ZNF780B: variants seen among roughly 807,000 people sequenced by gnomAD.
ZNF780B encodes zinc finger protein 780B, also known as zinc finger protein 779.
A neutral mutation model predicts 74.1 loss-of-function variants in ZNF780B; 52 were observed. The ratio of observed to expected loss-of-function variants is 0.70; its 90% CI spans 0.56 to 0.88. The LOEUF is 0.88. Among genes scored for constraint, ZNF780B ranks in the 40% least tolerant of loss-of-function variants. ZNF780B has a pLI of 0.00. For synonymous variants in ZNF780B, 315 were observed against 324.3 expected (o/e 0.97, Z 0.31); for missense variants, 953 against 1,007.6 (o/e 0.95, Z 0.73).
chr19:40,039,269 A>C (rs992068856), intron 4 of ZNF780B, among the ~76,000 whole-genome samples: 11 of 152,178 alleles, frequency 7.2e-5, no homozygotes, highest in Non-Finnish European at 1.5e-4. Flanking sequence ...CCATTGATCT[A>C]TATCTCTGTT....
intron 4 of ZNF780B, among the ~76,000 whole-genome samples, chr19:40,037,873 T>C (rs1383271233): frequency 1.4e-5 from 2 of 147,394 alleles, no homozygotes; most frequent in Non-Finnish European, 3.0e-5. Context: ...AACATCCAAC[T>C]CCTCTTTTTT....
rs1273306719 is a variant in ZNF780B, at chr19:40,028,902, C to T, written c.*5455G>A. 1 of 152,178 alleles carries T rather than the reference C, an allele frequency of 6.6e-6. No homozygotes were observed. The highest frequency in any genetic ancestry group is 2.4e-5 in the African/African-American group (1 of 41,444). 9.4% of individuals were successfully genotyped at this position (152,178 alleles called of 1,614,324 possible). A position where few individuals can be genotyped will look rare whatever the true frequency, so the allele number is the denominator to read the frequency against. ...AATTGCCAAAATATTCACTTACATC[C>T]TACTTGCCATAAGTTATGTCACATG... is the stretch of plus-strand genomic sequence containing the variant. On this transcript the variant is annotated 3_prime_UTR_variant, in exon 5 of 5. Transcript: ENST00000434248.
In ZNF780B at chr19:40,035,910, G is replaced by C; in HGVS notation, c.949C>G (p.His317Asp). The change falls in exon 5 of 5, where the codon CAT becomes GAT. Residue 317 changes from histidine to aspartate, a missense_variant. By Grantham distance (81) the His-to-Asp change is moderately conservative (BLOSUM62 -1). Transcript: ENST00000434248. Reference sequence around the variant, plus strand: ...CGGCAATGTTCAATGAGTTGGTAATGATATCGAAAGGCCATCTCACATTCC... The same window carrying C: ...CGGCAATGTTCAATGAGTTGGTAATCATATCGAAAGGCCATCTCACATTCC... The part of the protein sequence containing the change: ...CRECEMAFRY[H>D]YQLIEHCRIH... 6.2e-7 allele frequency: 1 copy of C among 1,613,124 alleles called. No homozygotes were observed. The highest frequency in any genetic ancestry group is 1.1e-5 in the South Asian group (1 of 91,034).
At position 40,029,759 on chromosome 19, in the gene ZNF780B, A is replaced by G. The variant is rs2144669357; in HGVS notation, c.*4598T>C. On this transcript the variant is annotated 3_prime_UTR_variant, in exon 5 of 5. Transcript: ENST00000434248. ...GATTCCATGACTCAGGACAAGAGGC[A>G]TGGGGGACATGAACCAACAAACAGG... 6.6e-6 allele frequency: 1 copy of G among 152,266 alleles called. No homozygotes were observed. The highest frequency in any genetic ancestry group is 2.1e-4 in the South Asian group (1 of 4,822). The allele number at this position is 152,266 out of a possible 1,614,324, so 9.4% of individuals were successfully genotyped here.
chr19:40,035,212 T>C lies in ZNF780B; in HGVS notation c.1647A>G (p.Lys549=), dbSNP rs769446778. ...RLHLQLSQHE[K]THTGEKPFEC... Reference sequence around the variant, plus strand: ...CAAAGGGTTTCTCACCTGTATGAGTTTTCTCATGTTGAGAAAGTTGTAGGT... The same window carrying C: ...CAAAGGGTTTCTCACCTGTATGAGTCTTCTCATGTTGAGAAAGTTGTAGGT... Residue 549 remains lysine, a synonymous_variant, in exon 5 of 5, where the codon AAA becomes AAG. Transcript: ENST00000434248. 1 of 1,613,966 alleles carries C rather than the reference T, an allele frequency of 6.2e-7. No homozygotes were observed. Among genetic ancestry groups the C allele is most frequent in the South Asian group, 1.1e-5 (1 of 91,072 alleles).
intron 1 of ZNF780B, among the ~76,000 whole-genome samples, chr19:40,051,686 C>T (rs1312052061): frequency 6.6e-6 from 1 of 152,214 alleles, no homozygotes; most frequent in African/African-American, 2.4e-5. Context: ...TAACAAATAA[C>T]ATCAGCTAGT....
rs1973451400 is a variant in ZNF780B at position 40,055,458 on chromosome 19, C to T, written c.-46+731G>A. 3.9e-5 allele frequency: 6 copies of T among 152,182 alleles called. No individual in the cohort carries two copies. In the South Asian group the frequency reaches 1.2e-3, roughly 32 times the overall value. The allele number at this position is 152,182 out of a possible 1,614,324, so 9.4% of individuals were successfully genotyped here. ...AACAATAACGCTCTCATCCTCCTCT[C>T]GGTCCTTCTTTTGGATAATAATACG... On this transcript the variant is annotated intron_variant, in intron 1 of 4. Coordinates refer to ENST00000434248, the MANE Select transcript of ZNF780B (RefSeq NM_001005851.3).
rs1183353590 is a variant in ZNF780B, at chr19:40,028,911, A to G, written c.*5446T>C. ...AATATTCACTTACATCCTACTTGCC[A>G]TAAGTTATGTCACATGACAACACCT... On this transcript the variant is annotated 3_prime_UTR_variant, in exon 5 of 5. Coordinates refer to ENST00000434248, the MANE Select transcript of ZNF780B (RefSeq NM_001005851.3). 2.0e-5 allele frequency: 3 copies of G among 152,262 alleles called. No individual in the cohort carries two copies. The highest frequency in any genetic ancestry group is 4.8e-5 in the African/African-American group (2 of 41,462). 9.4% of individuals were successfully genotyped at this position (152,262 alleles called of 1,614,324 possible). A position where few individuals can be genotyped will look rare whatever the true frequency, so the allele number is the denominator to read the frequency against.
In ZNF780B at chr19:40,035,934, C is replaced by T. The variant is rs1434123241; in HGVS notation, c.925G>A (p.Glu309Lys). ...TGATATCGAAAGGCCATCTCACATT[C>T]CCTACATACAAAGGGTTTCTCATTG... ...HSNEKPFVCR[E>K]CEMAFRYHYQ... Residue 309 changes from glutamate (E) to lysine (K), a missense_variant, in exon 5 of 5, where the codon GAA (glutamate) becomes AAA (lysine). Physicochemically the swap from Glu to Lys is moderately conservative, Grantham distance 56 (BLOSUM62 1). Transcript: ENST00000434248. The T allele has an allele frequency of 6.2e-6, 10 of 1,613,740 alleles. No individual in the cohort carries two copies. Among genetic ancestry groups the T allele is most frequent in the South Asian group, 4.4e-5 (4 of 91,066 alleles).
Position 40,033,490 on chromosome 19 carries a change from T to C in ZNF780B, c.*867A>G, listed in dbSNP as rs976908060. ...TAAGGCATTTAGTGTGGCTATAAAA[T>C]ATCCCACATTCTTTACACTCAAAGG... is the stretch of plus-strand genomic sequence containing the variant. On this transcript the variant is annotated 3_prime_UTR_variant, in exon 5 of 5. Transcript: ENST00000434248. 1 of 152,836 alleles carries C rather than the reference T, an allele frequency of 6.5e-6. No individual in the cohort carries two copies. Among genetic ancestry groups the C allele is most frequent in the Non-Finnish European group, 1.5e-5 (1 of 68,154 alleles). 9.5% of individuals were successfully genotyped at this position (152,836 alleles called of 1,614,324 possible). A position where few individuals can be genotyped will look rare whatever the true frequency, so the allele number is the denominator to read the frequency against.
chr19:40,039,456 T>C (rs1321901644), intron 4 of ZNF780B, among the ~76,000 whole-genome samples: 1 of 151,884 alleles, frequency 6.6e-6, no homozygotes, highest in Non-Finnish European at 1.5e-5. Context: ...AAGAAAGTCA[T>C]TGGTAGCTTG....
intron 3 of ZNF780B, among the ~76,000 whole-genome samples, chr19:40,047,909 G>A (rs1002261251): frequency 6.6e-6 from 1 of 152,058 alleles, no homozygotes; most frequent in African/African-American, 2.4e-5. Context: ...TCACTCATAC[G>A]TAGTAGCACA....
intron 4 of ZNF780B, among the ~76,000 whole-genome samples, chr19:40,045,359 T>C (rs1006777750): frequency 1.3e-5 from 2 of 152,216 alleles, no homozygotes; most frequent in Non-Finnish European, 2.9e-5. Flanking sequence ...GGAACTCTTA[T>C]ATACTGTTGG....
intron 1 of ZNF780B, among the ~76,000 whole-genome samples, chr19:40,051,217 C>G (rs1973213665): frequency 6.7e-6 from 1 of 148,596 alleles, no homozygotes; most frequent in African/African-American, 2.6e-5. Context: ...TATATTCACA[C>G]ACACACACAC....
At position 40,034,773 on chromosome 19, in the gene ZNF780B, G is replaced by A; in HGVS notation, c.2086C>T (p.Pro696Ser). 3 of 1,613,900 alleles carry A rather than the reference G, an allele frequency of 1.9e-6. No homozygotes were observed. Among genetic ancestry groups the A allele is most frequent in the Non-Finnish European group, 2.5e-6 (3 of 1,179,962 alleles). ...TTCCTACACTCCTTACATACAAAGGGTTTCGCACTGGAATGAGTTTTCTGA... is the reference window on the plus strand; with the variant it reads ...TTCCTACACTCCTTACATACAAAGGATTTCGCACTGGAATGAGTTTTCTGA... Reference protein sequence around the residue: ...QHQKTHSSAKPFVCKECRKTF... With the variant: ...QHQKTHSSAKSFVCKECRKTF... The change falls in exon 5 of 5, where the codon CCC becomes TCC. Residue 696 changes from proline to serine, a missense_variant. Pro to Ser is a moderately conservative substitution (Grantham distance 74). Coordinates refer to ENST00000434248, the MANE Select transcript of ZNF780B (RefSeq NM_001005851.3).
intron 4 of ZNF780B, among the ~76,000 whole-genome samples, chr19:40,038,453 T>C (rs1324778972): frequency 6.6e-6 from 1 of 151,680 alleles, no homozygotes; most frequent in Non-Finnish European, 1.5e-5. Flanking sequence ...CTGGGTCAAA[T>C]GGTATTTCTA....
chr19:40,029,619 C>T lies in ZNF780B; in HGVS notation c.*4738G>A, dbSNP rs1296404156. 1 of 152,894 alleles carries T rather than the reference C, an allele frequency of 6.5e-6. No homozygotes were observed. Among genetic ancestry groups the T allele is most frequent in the Non-Finnish European group, 1.5e-5 (1 of 68,140 alleles). 9.5% of individuals were successfully genotyped at this position (152,894 alleles called of 1,614,324 possible). The stretch of plus-strand genomic sequence containing the variant: ...CTAACAAAAGCAGCATCTTTTTTTC[C>T]ATACCTGTAACTGCCATGTGCACTC... On this transcript the variant is annotated 3_prime_UTR_variant, in exon 5 of 5. Coordinates refer to ENST00000434248, the MANE Select transcript of ZNF780B (RefSeq NM_001005851.3).
chr19:40,054,213 G>T (rs190021566), intron 1 of ZNF780B, among the ~76,000 whole-genome samples: 112 of 152,280 alleles, frequency 7.4e-4, no homozygotes, highest in African/African-American at 2.5e-3. Context: ...TTACAGGTCG[G>T]GGGTAATGTG....
At position 40,034,485 on chromosome 19, in the gene ZNF780B, G is replaced by A; in HGVS notation, c.2374C>T (p.Leu792Phe). The change falls in exon 5 of 5, where the codon CTT becomes TTT. Residue 792 changes from leucine to phenylalanine, a missense_variant. Physicochemically the swap from Leu to Phe is conservative, Grantham distance 22. Coordinates refer to ENST00000434248, the MANE Select transcript of ZNF780B (RefSeq NM_001005851.3). ...ECKECGKAFR[L>F]HLQLSLHQKL... is the part of the protein sequence containing the mutation. ...TGATGCAGAGAAAGTTGTAGGTGAA[G>A]TCTAAAAGCCTTCCCACACTCCTTA... The A allele has an allele frequency of 3.7e-6, 6 of 1,613,572 alleles. No individual in the cohort carries two copies. Among genetic ancestry groups the A allele is most frequent in the Non-Finnish European group, 5.1e-6 (6 of 1,179,866 alleles).
Sources: gnomAD v4.1 joint callset for allele counts (sites outside exome capture counted in the v4.1 genomes callset) on GRCh38, gnomAD v4.1.1 for gene constraint, MANE v1.5 for transcripts, NCBI Gene and HGNC (gene_info 2026-07-23, HGNC 2026-07-21) for gene names.